Variants in POFUT3 observed in about 807,000 individuals in gnomAD.
The protein encoded by POFUT3 is GDP-fucose protein O-fucosyltransferase 3.
chr8:33,428,136 A>C, the POFUT3 span, among the ~76,000 whole-genome samples: 1 of 152,158 alleles, frequency 6.6e-6, no homozygotes, highest in Non-Finnish European at 1.5e-5. Flanking sequence ...AAGAAAAAAA[A>C]AATGACCTCT....
the POFUT3 span, among the ~76,000 whole-genome samples, chr8:33,361,888 T>C: frequency 6.6e-6 from 1 of 152,186 alleles, no homozygotes; most frequent in Non-Finnish European, 1.5e-5. Flanking sequence ...TTATCTTTTA[T>C]CTTATTCCAA....
chr8:33,454,192 G>A, the POFUT3 span, among the ~76,000 whole-genome samples: 54 of 152,282 alleles, frequency 3.5e-4, no homozygotes, highest in Non-Finnish European at 7.1e-4. Flanking sequence ...TCAGAAGTCT[G>A]CAATGGGTCT....
the POFUT3 span, among the ~76,000 whole-genome samples, chr8:33,358,838 T>TA: frequency 0.049 from 7,226 of 147,264 alleles, 463 homozygotes; most frequent in African/African-American, 0.15. Context: ...CCCCATCTCT[T>TA]AAAAAAAAAA....
chr8:33,422,972 T>C, the POFUT3 span, among the ~76,000 whole-genome samples: 1 of 152,100 alleles, frequency 6.6e-6, no homozygotes, highest in Non-Finnish European at 1.5e-5. Flanking sequence ...TGCACCACCA[T>C]GCCTGGATAA....
chr8:33,320,623 C>G, the POFUT3 span, among the ~76,000 whole-genome samples: 1 of 152,100 alleles, frequency 6.6e-6, no homozygotes, highest in Non-Finnish European at 1.5e-5. Context: ...TCAGATGGAG[C>G]TGTGACTATC....
chr8:33,415,876 A>G, the POFUT3 span, among the ~76,000 whole-genome samples: 2 of 152,240 alleles, frequency 1.3e-5, no homozygotes, highest in African/African-American at 4.8e-5. Flanking sequence ...GCCTCCCGCT[A>G]GAAGCCACAT....
At chr8:33,316,950 T>C in the POFUT3 span, among the ~76,000 whole-genome samples, 2 of 151,996 alleles carry the variant, frequency 1.3e-5, no homozygotes, top group Admixed American at 6.6e-5. Flanking sequence ...TTTGAGCAAA[T>C]GTGTAAAGTA....
chr8:33,390,074 T>TA, the POFUT3 span, among the ~76,000 whole-genome samples: 1 of 152,142 alleles, frequency 6.6e-6, no homozygotes, highest in Non-Finnish European at 1.5e-5. Flanking sequence ...ACATTGCCTG[T>TA]AATCCCAGCT....
chr8:33,404,593 T>C, the POFUT3 span, among the ~76,000 whole-genome samples: 1 of 152,138 alleles, frequency 6.6e-6, no homozygotes, highest in Non-Finnish European at 1.5e-5. Flanking sequence ...ACTAATTTAA[T>C]AAATAAATGC....
At chr8:33,406,073 T>C in the POFUT3 span, among the ~76,000 whole-genome samples, 62 of 152,010 alleles carry the variant, frequency 4.1e-4, no homozygotes, top group Non-Finnish European at 7.1e-4. Flanking sequence ...ATCGCACATA[T>C]GAGGAGAGAC....
chr8:33,382,830 C>G, the POFUT3 span, among the ~76,000 whole-genome samples: 3 of 152,128 alleles, frequency 2.0e-5, no homozygotes, highest in Non-Finnish European at 4.4e-5. Context: ...TCCTGAACTT[C>G]TCAACTTCAT....
chr8:33,397,779 G>A, the POFUT3 span, among the ~76,000 whole-genome samples: 2 of 152,226 alleles, frequency 1.3e-5, no homozygotes, highest in Non-Finnish European at 2.9e-5. Flanking sequence ...ATTGGGACAC[G>A]TTCCTCACTA....
the POFUT3 span, among the ~76,000 whole-genome samples, chr8:33,414,171 G>T: frequency 6.6e-6 from 1 of 151,828 alleles, no homozygotes; most frequent in South Asian, 2.1e-4. Flanking sequence ...ACCAAGAGGC[G>T]ATTAAAAGTC....
the POFUT3 span, among the ~76,000 whole-genome samples, chr8:33,449,935 C>CTTTTTTTTT: frequency 8.9e-6 from 1 of 112,336 alleles, no homozygotes; most frequent in African/African-American, 3.5e-5. Context: ...TGAAGCTTTT[C>CTTTTTTTTT]TTTTTTTTTT....
the POFUT3 span, among the ~76,000 whole-genome samples, chr8:33,326,895 C>G: frequency 6.6e-6 from 1 of 152,204 alleles, no homozygotes; most frequent in East Asian, 1.9e-4. Context: ...TTCCACTCAG[C>G]CTCTCAAGTA....
chr8:33,368,767 G>A, the POFUT3 span, among the ~76,000 whole-genome samples: 2 of 152,156 alleles, frequency 1.3e-5, no homozygotes, highest in Non-Finnish European at 2.9e-5. Flanking sequence ...ATCAATCAGT[G>A]TACTGCATTT....
At chr8:33,312,016 C>G in the POFUT3 span, among the ~76,000 whole-genome samples, 1 of 152,234 alleles carries the variant, frequency 6.6e-6, no homozygotes. Flanking sequence ...TAATCCTAGC[C>G]TTTGGGAGGC....
chr8:33,426,669 G>A, the POFUT3 span, among the ~76,000 whole-genome samples: 1 of 152,318 alleles, frequency 6.6e-6, no homozygotes, highest in South Asian at 2.1e-4. Flanking sequence ...TTCACTCTAA[G>A]TAAAAATGGC....
At chr8:33,408,296 A>C in the POFUT3 span, among the ~76,000 whole-genome samples, 59,366 of 150,724 alleles carry the variant, frequency 0.39, 12,856 homozygotes, top group African/African-American at 0.58. Context: ...CGCACTCCAG[A>C]GAGACTCTGT....
Sources: gnomAD v4.1 joint callset for allele counts (sites outside exome capture counted in the v4.1 genomes callset) on GRCh38, gnomAD v4.1.1 for gene constraint, MANE v1.5 for transcripts, NCBI Gene and HGNC (gene_info 2026-07-23, HGNC 2026-07-21) for gene names.